DHX57: variants seen among roughly 807,000 people sequenced by gnomAD.
DHX57 encodes the protein putative ATP-dependent RNA helicase DHX57.
In DHX57, 105 loss-of-function variants were observed where a neutral mutation model predicts 156.2. The ratio of observed to expected loss-of-function variants is 0.67; its 90% CI spans 0.57 to 0.79. The LOEUF (loss-of-function observed/expected upper bound fraction) is 0.79. Among genes scored for constraint, DHX57 ranks in the 30% least tolerant of loss-of-function variants. DHX57 has a pLI of 0.00. For missense variants in DHX57, 1,847 were observed against 1,661.9 expected (o/e 1.11, Z -1.94); for synonymous variants, 704 against 595.6 (o/e 1.18, Z -2.65).
Position 38,861,537 on chromosome 2 carries a change from T to C in DHX57, c.873A>G (p.Lys291=), listed in dbSNP as rs145785847. The C allele has an allele frequency of 3.7e-6, 6 of 1,614,096 alleles. No individual in the cohort carries two copies. The African/African-American group carries it at 8.0e-5, about 22-fold the overall frequency. The change falls in exon 5 of 24, where the codon AAA becomes AAG. Residue 291 remains lysine (K), a synonymous_variant. Coordinates refer to ENST00000457308, the MANE Select transcript of DHX57 (RefSeq NM_198963.3). ...LTSRFRKSKP[K]ESTKNVQENS... ...TCTCTTGTACATTTTTGGTACTTTCTTTTGGCTTGGATTTGCGGAATCTAC... is the reference window on the plus strand; with the variant it reads ...TCTCTTGTACATTTTTGGTACTTTCCTTTGGCTTGGATTTGCGGAATCTAC...
At chr2:38,862,597 C>CT (rs1224828659) in intron 3 of DHX57, 9,625 of 179,636 alleles carry the variant, frequency 0.054, 14 homozygotes, top group East Asian at 0.085. Context: ...CTGGAATGTC[C>CT]TTTTTTTTTT....
rs1048578301 is a variant in DHX57, at chr2:38,872,379, T to C, written c.-7+3408A>G. Reference sequence around the variant, plus strand: ...GAATAGAGTTAGATGTAATTCTCAGTATATAGACAATAAAAATAAATGTGA... The same window carrying C: ...GAATAGAGTTAGATGTAATTCTCAGCATATAGACAATAAAAATAAATGTGA... On this transcript the variant is annotated intron_variant, in intron 1 of 23. Coordinates refer to ENST00000457308, the MANE Select transcript of DHX57 (RefSeq NM_198963.3). Among the ~76,000 whole-genome samples, 12 of 152,314 alleles carry C rather than the reference T, an allele frequency of 7.9e-5. 1 individual carries two copies. In the South Asian group the frequency reaches 2.3e-3, roughly 29 times the overall value.
At position 38,806,674 on chromosome 2, in the gene DHX57, T is replaced by C; in HGVS notation, c.3701A>G (p.Lys1234Arg). 1.2e-6 allele frequency: 2 copies of C among 1,614,024 alleles called. No individual in the cohort carries two copies. The highest frequency in any genetic ancestry group is 1.7e-6 in the Non-Finnish European group (2 of 1,179,974). Residue 1234 changes from lysine (K) to arginine (R), a missense_variant, in exon 22 of 24, where the codon AAA becomes AGA. Lys to Arg is a conservative substitution (Grantham distance 26, BLOSUM62 2). Coordinates refer to ENST00000457308, the MANE Select transcript of DHX57 (RefSeq NM_198963.3). ...NVVQVKSPEG[K>R]FQKTSTGAVR... ...AGCTCCAGTACTGGTCTTCTGAAAT[T>C]TTCCTTCTGGGCTTTTCACCTAAAC...
chr2:38,844,894 A>G (rs1672187707), intron 11 of DHX57, among the ~76,000 whole-genome samples: 1 of 152,220 alleles, frequency 6.6e-6, no homozygotes, highest in Non-Finnish European at 1.5e-5. Context: ...GGCTGGGGTC[A>G]GATGATATGG....
At chr2:38,813,363 A>G (rs1175968903) in intron 21 of DHX57, among the ~76,000 whole-genome samples, 1 of 152,020 alleles carries the variant, frequency 6.6e-6, no homozygotes, top group East Asian at 1.9e-4. Flanking sequence ...GAAGGATTGA[A>G]AATGTATACT....
Position 38,823,192 on chromosome 2 carries a change from T to G in DHX57, c.3092A>C (p.Asp1031Ala). 6.2e-7 allele frequency: 1 copy of G among 1,614,142 alleles called. No individual in the cohort carries two copies. Among genetic ancestry groups the G allele is most frequent in the Non-Finnish European group, 8.5e-7 (1 of 1,180,028 alleles). ...TCGTATTTTTGAGGCACGAAGAGAA[T>G]CGGTGTGTGGAGGTTCAATGAGCCG... is the stretch of plus-strand genomic sequence containing the variant. The part of the protein sequence containing the change: ...FSRLIEPPHT[D>A]SLRASKIRLR... Residue 1031 changes from aspartate to alanine, a missense_variant, in exon 17 of 24, where the codon GAT becomes GCT. Transcript: ENST00000457308.
At chr2:38,859,836 T>A (rs1406768450) in intron 5 of DHX57, among the ~76,000 whole-genome samples, 1 of 141,382 alleles carries the variant, frequency 7.1e-6, no homozygotes, top group Non-Finnish European at 1.6e-5. Context: ...TTTTTTTTAA[T>A]TAAGAAATAG....
At chr2:38,799,275 A>C (rs1378382346) in intron 23 of DHX57, among the ~76,000 whole-genome samples, 1 of 151,808 alleles carries the variant, frequency 6.6e-6, no homozygotes, top group Non-Finnish European at 1.5e-5. Flanking sequence ...CTAAGGCAGG[A>C]GAATCGCTTG....
chr2:38,871,930 G>A (rs952943061), intron 1 of DHX57, among the ~76,000 whole-genome samples: 7 of 151,940 alleles, frequency 4.6e-5, no homozygotes, highest in Non-Finnish European at 1.0e-4. Flanking sequence ...GGATGGTCTC[G>A]ATCTCTTGAC....
At chr2:38,811,322 G>A (rs776776408) in intron 21 of DHX57, 5 of 525,110 alleles carry the variant, frequency 9.5e-6, no homozygotes, top group Non-Finnish European at 1.9e-5. Flanking sequence ...CTTTCCCATG[G>A]CACTGTGGGA....
intron 21 of DHX57, among the ~76,000 whole-genome samples, chr2:38,807,328 A>G (rs979603991): frequency 1.3e-5 from 2 of 151,900 alleles, no homozygotes; most frequent in Admixed American, 1.3e-4. Flanking sequence ...GTGCTGGATT[A>G]CAGGCGTGAG....
In DHX57 at chr2:38,851,529, T is replaced by A. The variant is rs551406157; in HGVS notation, c.2030+2525A>T. Among the ~76,000 whole-genome samples, 3 of 152,344 alleles carry A rather than the reference T, an allele frequency of 2.0e-5. No homozygotes were observed. The South Asian group carries it at 6.2e-4, about 32-fold the overall frequency. The stretch of plus-strand genomic sequence containing the variant: ...ACCCTTTCTTGTAAACTGGTATTTG[T>A]AAATATTTGAAGCACCCTTCTCCAC... On this transcript the variant is annotated intron_variant, in intron 9 of 23. Transcript: ENST00000457308.
rs192587031 is a variant in DHX57, at chr2:38,806,156, T to C, written c.3816+403A>G. 8.1e-4 allele frequency among the ~76,000 whole-genome samples: 123 copies of C among 152,278 alleles called. 1 individual carries two copies. The highest frequency in any genetic ancestry group is 2.8e-3 in the African/African-American group (115 of 41,560). On this transcript the variant is annotated intron_variant, in intron 22 of 23. Coordinates refer to ENST00000457308, the MANE Select transcript of DHX57 (RefSeq NM_198963.3). ...CTGGCTTTGACAACTAAGAAGTTAT[T>C]TGTTACTTCTGATGGGTTTAGTGAA...
In DHX57 at chr2:38,818,869, C is replaced by A. The variant is rs768743025; in HGVS notation, c.3471+8G>T. The A allele has an allele frequency of 5.0e-6, 8 of 1,614,030 alleles. No homozygotes were observed. The highest frequency in any genetic ancestry group is 3.3e-5 in the Admixed American group (2 of 60,002). ...AAAAATGAAGAAAAAGCCACAGACA[C>A]AACTCACCTGCAGAACTCTTCCAGA... On this transcript the variant is annotated splice_region_variant and intron_variant, in intron 19 of 23. Coordinates refer to ENST00000457308, the MANE Select transcript of DHX57 (RefSeq NM_198963.3).
At chr2:38,806,992 C>T (rs965325494) in intron 21 of DHX57, among the ~76,000 whole-genome samples, 1 of 151,356 alleles carries the variant, frequency 6.6e-6, no homozygotes, top group African/African-American at 2.4e-5. Flanking sequence ...TGATCAGGTG[C>T]AGTGACCCAG....
At chr2:38,848,197 T>C (rs1672389660) in intron 10 of DHX57, 72 bp downstream of exon 10, 2 of 1,418,382 alleles carry the variant, frequency 1.4e-6, no homozygotes, top group Non-Finnish European at 1.9e-6. Context: ...AATATCTACT[T>C]ATGTCTCAAA....
Position 38,860,310 on chromosome 2 carries a change from G to A in DHX57, c.1411+689C>T, listed in dbSNP as rs185144020. Among the ~76,000 whole-genome samples the A allele has an allele frequency of 5.3e-5, 8 of 152,250 alleles. No homozygotes were observed. The East Asian group carries it at 5.8e-4, about 11-fold the overall frequency. ...CTAAAAATAGAAAAATTAGCCAGGC[G>A]TGGTGGCGGGTGCCTGTAATCCCAG... On this transcript the variant is annotated intron_variant, in intron 5 of 23. Coordinates refer to ENST00000457308, the MANE Select transcript of DHX57 (RefSeq NM_198963.3).
intron 16 of DHX57, among the ~76,000 whole-genome samples, chr2:38,825,491 T>C (rs953148462): frequency 3.9e-5 from 6 of 152,006 alleles, no homozygotes; most frequent in Non-Finnish European, 5.9e-5. Flanking sequence ...TTAGTAGAGA[T>C]GGAGTTTTGC....
chr2:38,846,614 C>T (rs1182529451), intron 11 of DHX57, among the ~76,000 whole-genome samples: 3 of 118,740 alleles, frequency 2.5e-5, no homozygotes, highest in Non-Finnish European at 3.6e-5. Flanking sequence ...AAGACTCTAT[C>T]TCAAAAAAAA....
Sources: allele counts gnomAD v4.1 joint callset (sites outside exome capture counted in the v4.1 genomes callset), GRCh38; gene constraint gnomAD v4.1.1; transcripts MANE v1.5; gene names NCBI Gene and HGNC (gene_info 2026-07-23, HGNC 2026-07-21).